CNTLN: variants seen among roughly 807,000 people sequenced by gnomAD.
CNTLN encodes centlein, centrosomal protein.
CNTLN carries 212 observed loss-of-function variants against 180.0 expected under a neutral mutation model. That is an observed-to-expected ratio of 1.18 (90% CI 1.05 to 1.32). The LOEUF (loss-of-function observed/expected upper bound fraction) is 1.32, where lower values mean the gene tolerates loss of function less well. Ranked by LOEUF, CNTLN falls within the 40% of genes most tolerant of loss-of-function variation. The pLI, the probability that CNTLN is intolerant of heterozygous loss-of-function variation, is 0.00. For missense variants in CNTLN, 2,095 were observed against 1,610.9 expected (o/e 1.30, Z -5.14); for synonymous variants, 722 against 563.1 (o/e 1.28, Z -3.99).
At chr9:17,302,016 A>G in intron 7 of CNTLN, 1 of 984,304 alleles carries the variant, frequency 1.0e-6, no homozygotes, top group Non-Finnish European at 1.2e-6. Context: ...ATTGTAAATA[A>G]AGCTGCAATA....
chr9:17,368,592 G>T (rs979389642), intron 13 of CNTLN, among the ~76,000 whole-genome samples: 10 of 152,160 alleles, frequency 6.6e-5, no homozygotes, highest in Admixed American at 5.9e-4. Context: ...TAGTCCCAGT[G>T]GTGGTGGCCA....
chr9:17,361,156 A>G (rs1030376469), intron 12 of CNTLN, among the ~76,000 whole-genome samples: 5 of 152,030 alleles, frequency 3.3e-5, no homozygotes, highest in African/African-American at 1.2e-4. Context: ...GGTGTGCTGC[A>G]CCCATTAACT....
rs529386380 is a variant in CNTLN at position 17,185,476 on chromosome 9, AT to A, written c.450-40725del. On this transcript the variant is annotated intron_variant, in intron 2 of 25. Transcript: ENST00000380647. The stretch of plus-strand genomic sequence containing the variant: ...TGTCACAGCAAACGTTTTCTTTTTA[AT>A]TGTCATTTGGCTCAGATCTTTCTGT... Among the ~76,000 whole-genome samples, 11 of 152,214 alleles carry A rather than the reference AT, an allele frequency of 7.2e-5. No individual in the cohort carries two copies. In the South Asian group the frequency reaches 2.1e-3, roughly 29 times the overall value.
At chr9:17,193,922 T>C (rs1005375354) in intron 2 of CNTLN, among the ~76,000 whole-genome samples, 1 of 152,218 alleles carries the variant, frequency 6.6e-6, no homozygotes. Context: ...CCCCAATTCT[T>C]GACTTCTGTG....
intron 6 of CNTLN, among the ~76,000 whole-genome samples, chr9:17,291,404 T>C (rs531498716): frequency 3.9e-5 from 6 of 152,224 alleles, no homozygotes; most frequent in East Asian, 3.9e-4. Context: ...GACAGTGGGG[T>C]GTTAAAAGTC....
At chr9:17,474,416 G>A (rs748892665) in intron 23 of CNTLN, among the ~76,000 whole-genome samples, 9 of 151,932 alleles carry the variant, frequency 5.9e-5, no homozygotes, top group Non-Finnish European at 8.8e-5. Context: ...ACTTCAAATC[G>A]TGTCTGCTCC....
chr9:17,390,324 C>T (rs1373297819), intron 14 of CNTLN, among the ~76,000 whole-genome samples: 3 of 147,032 alleles, frequency 2.0e-5, no homozygotes, highest in Non-Finnish European at 3.0e-5. Flanking sequence ...CTGCAACCTC[C>T]GCCTCCCAGG....
intron 2 of CNTLN, among the ~76,000 whole-genome samples, chr9:17,215,583 A>G (rs541182779): frequency 6.6e-6 from 1 of 152,206 alleles, no homozygotes; most frequent in African/African-American, 2.4e-5. Context: ...CAAAGCTGTC[A>G]GACAGGGACA....
intron 25 of CNTLN, among the ~76,000 whole-genome samples, chr9:17,487,411 T>C (rs1191529405): frequency 6.6e-6 from 1 of 152,182 alleles, no homozygotes; most frequent in Non-Finnish European, 1.5e-5. Context: ...GTATTTGATA[T>C]GGACACCTGA....
At chr9:17,294,956 T>A (rs1301386909) in intron 6 of CNTLN, among the ~76,000 whole-genome samples, 1 of 144,440 alleles carries the variant, frequency 6.9e-6, no homozygotes, top group African/African-American at 2.6e-5. Context: ...CATGGTGGGC[T>A]GCAGGTCCCC....
intron 4 of CNTLN, 131 bp downstream of exon 4, chr9:17,235,923 G>A (rs1019572158): frequency 9.0e-6 from 7 of 776,918 alleles, no homozygotes; most frequent in Middle Eastern, 2.9e-4. Flanking sequence ...GTACCATACA[G>A]TTTTCTCACA....
At chr9:17,522,776 A>G in the CNTLN span, among the ~76,000 whole-genome samples, 245 of 152,204 alleles carry the variant, frequency 1.6e-3, 1 homozygote, top group African/African-American at 5.5e-3. Flanking sequence ...CTTTTATTCC[A>G]AGGATTGATG....
chr9:17,329,329 G>C (rs886195901), intron 8 of CNTLN, among the ~76,000 whole-genome samples: 1 of 151,846 alleles, frequency 6.6e-6, no homozygotes, highest in Admixed American at 6.6e-5. Flanking sequence ...CTATAAAACA[G>C]GAGAAAAGAT....
At chr9:17,327,980 G>A (rs1820414508) in intron 8 of CNTLN, among the ~76,000 whole-genome samples, 1 of 151,974 alleles carries the variant, frequency 6.6e-6, no homozygotes, top group Non-Finnish European at 1.5e-5. Flanking sequence ...AGCATTTAGT[G>A]ACATGTCCAT....
At chr9:17,311,453 T>G (rs1028203091) in intron 8 of CNTLN, among the ~76,000 whole-genome samples, 2 of 147,726 alleles carry the variant, frequency 1.4e-5, no homozygotes, top group African/African-American at 2.5e-5. Context: ...GTTTTTCTGT[T>G]TTTTTTTTTT....
intron 1 of CNTLN, among the ~76,000 whole-genome samples, chr9:17,142,336 C>T (rs1175196789): frequency 1.3e-5 from 2 of 152,024 alleles, no homozygotes; most frequent in African/African-American, 4.8e-5. Context: ...TCCACTGTGG[C>T]CCAGGGAAGC....
intron 2 of CNTLN, among the ~76,000 whole-genome samples, chr9:17,174,698 G>GAAAAAAAAAA (rs34784210): frequency 2.4e-5 from 3 of 124,454 alleles, no homozygotes; most frequent in African/African-American, 8.8e-5. Flanking sequence ...TCCGTCTCAG[G>GAAAAAAAAAA]AAAAAAAAAA....
chr9:17,524,719 C>G, the CNTLN span, among the ~76,000 whole-genome samples: 1 of 152,208 alleles, frequency 6.6e-6, no homozygotes, highest in Non-Finnish European at 1.5e-5. Flanking sequence ...TTAAATCCTT[C>G]TCTTTGTTAA....
chr9:17,338,337 G>GTTTTTTTTTTTTTTTTT (rs71331486), intron 10 of CNTLN, among the ~76,000 whole-genome samples: 3 of 100,432 alleles, frequency 3.0e-5, no homozygotes, highest in Non-Finnish European at 5.5e-5. Context: ...GCTAATTTTT[G>GTTTTTTTTTTTTTTTTT]TTTTTTTTTT....
Sources: allele counts gnomAD v4.1 joint callset (sites outside exome capture counted in the v4.1 genomes callset), GRCh38; gene constraint gnomAD v4.1.1; transcripts MANE v1.5; gene names NCBI Gene and HGNC (gene_info 2026-07-23, HGNC 2026-07-21).